Variants in KAZN observed in about 807,000 individuals in gnomAD.
KAZN encodes kazrin, periplakin interacting protein.
In KAZN, 40 loss-of-function variants were observed where a neutral mutation model predicts 87.4. The ratio of observed to expected loss-of-function variants is 0.46; its 90% CI spans 0.36 to 0.60. The LOEUF is 0.60. Ranked by LOEUF, KAZN falls within the 20% of genes least tolerant of loss-of-function variation. The pLI, the probability that KAZN is intolerant of heterozygous loss-of-function variation, is 0.00. For missense variants in KAZN, 898 were observed against 1,073.9 expected, an observed-to-expected ratio of 0.84 and a Z score of 2.29; for synonymous variants, 466 against 458.3, an observed-to-expected ratio of 1.02 and a Z score of -0.22.
chr1:14,153,907 G>A (rs996933363), intron 1 of KAZN, among the ~76,000 whole-genome samples: 1 of 152,078 alleles, frequency 6.6e-6, no homozygotes, highest in Non-Finnish European at 1.5e-5. Flanking sequence ...GTTACTGTAG[G>A]TCTGTAGTAT....
intron 2 of KAZN, among the ~76,000 whole-genome samples, chr1:15,008,117 G>A (rs1018733464): frequency 6.6e-6 from 1 of 152,206 alleles, no homozygotes; most frequent in African/African-American, 2.4e-5. Flanking sequence ...CGTGGCCTGC[G>A]GAAGTGGGTA....
intron 2 of KAZN, among the ~76,000 whole-genome samples, chr1:14,589,310 C>T (rs1321925679): frequency 1.4e-5 from 2 of 143,694 alleles, no homozygotes; most frequent in Admixed American, 1.4e-4. Flanking sequence ...TTTACACCTC[C>T]TCAGCATAAA....
chr1:14,146,425 A>G (rs1645350200), intron 1 of KAZN, among the ~76,000 whole-genome samples: 1 of 150,834 alleles, frequency 6.6e-6, no homozygotes, highest in East Asian at 2.0e-4. Flanking sequence ...AATCCCAGCT[A>G]CTCGGGAGGC....
intron 2 of KAZN, among the ~76,000 whole-genome samples, chr1:14,228,242 C>T (rs1288437431): frequency 1.3e-5 from 2 of 152,148 alleles, no homozygotes; most frequent in Non-Finnish European, 2.9e-5. Flanking sequence ...TACCACTTTG[C>T]CAGGGGCTCT....
intron 1 of KAZN, among the ~76,000 whole-genome samples, chr1:14,067,751 A>G (rs966999641): frequency 4.6e-5 from 7 of 152,158 alleles, no homozygotes; most frequent in African/African-American, 1.2e-4. Context: ...GAATTAGTTA[A>G]AAACCTTGAA....
chr1:14,981,900 C>T (rs895509422), intron 2 of KAZN, among the ~76,000 whole-genome samples: 18 of 152,174 alleles, frequency 1.2e-4, no homozygotes, highest in Admixed American at 1.1e-3. Flanking sequence ...GACCATGCCC[C>T]AGGTATAGCG....
intron 1 of KAZN, among the ~76,000 whole-genome samples, chr1:14,026,823 T>C (rs1197055924): frequency 6.6e-6 from 1 of 152,128 alleles, no homozygotes; most frequent in African/African-American, 2.4e-5. Flanking sequence ...GATGAAGGAA[T>C]TCATGGTGAA....
At chr1:14,369,996 A>G (rs1401455698) in intron 2 of KAZN, among the ~76,000 whole-genome samples, 1 of 151,808 alleles carries the variant, frequency 6.6e-6, no homozygotes, top group African/African-American at 2.4e-5. Context: ...GGTGCATTCC[A>G]CCTCCCCACA....
intron 2 of KAZN, among the ~76,000 whole-genome samples, chr1:14,527,809 A>T (rs1339733204): frequency 3.9e-5 from 6 of 152,100 alleles, no homozygotes; most frequent in Non-Finnish European, 8.8e-5. Context: ...TACCACGAGG[A>T]TGACACCAAA....
At chr1:13,929,213 A>G (rs1570306800) in intron 1 of KAZN, among the ~76,000 whole-genome samples, 1 of 152,014 alleles carries the variant, frequency 6.6e-6, no homozygotes, top group East Asian at 1.9e-4. Context: ...AGCCTGGCCC[A>G]AGGGTCTTTG....
intron 1 of KAZN, among the ~76,000 whole-genome samples, chr1:14,140,448 C>T (rs941849398): frequency 1.3e-5 from 2 of 151,914 alleles, no homozygotes; most frequent in Non-Finnish European, 2.9e-5. Flanking sequence ...AACAGTTAAA[C>T]GTTAAGTCCC....
chr1:14,647,983 C>A (rs1256513224), intron 1 of KAZN, among the ~76,000 whole-genome samples: 1 of 152,134 alleles, frequency 6.6e-6, no homozygotes, highest in Non-Finnish European at 1.5e-5. Context: ...CCTCTGTTGC[C>A]CAACTATCCC....
intron 1 of KAZN, among the ~76,000 whole-genome samples, chr1:14,092,603 A>C (rs530561107): frequency 3.4e-4 from 51 of 152,024 alleles, no homozygotes; most frequent in Non-Finnish European, 4.9e-4. Flanking sequence ...ATATACACAC[A>C]TATATACATA....
At chr1:14,671,737 G>A (rs1261216537) in intron 1 of KAZN, among the ~76,000 whole-genome samples, 1 of 152,164 alleles carries the variant, frequency 6.6e-6, no homozygotes, top group Non-Finnish European at 1.5e-5. Context: ...GAAAACAAAT[G>A]TTTATATCTC....
rs561726400 is a variant in KAZN at position 14,108,755 on chromosome 1, G to T, written c.92-71680G>T. Among the ~76,000 whole-genome samples the T allele has an allele frequency of 2.0e-5, 3 of 152,046 alleles. No individual in the cohort carries two copies. The East Asian group carries it at 5.8e-4, about 29-fold the overall frequency. Reference sequence around the variant, plus strand: ...ATTTGTTCCTTTTCTGAAGCATAACGTTAACACTCCCCCAAGCATGCACGT... The same window carrying T: ...ATTTGTTCCTTTTCTGAAGCATAACTTTAACACTCCCCCAAGCATGCACGT... On this transcript the variant is annotated intron_variant, in intron 1 of 16. Coordinates refer to the KAZN transcript ENST00000636203.
intron 1 of KAZN, among the ~76,000 whole-genome samples, chr1:14,669,895 AC>A (rs71587759): frequency 0.2 from 29,757 of 152,090 alleles, 3,020 homozygotes; most frequent in South Asian, 0.29. Flanking sequence ...CAACTGACCA[AC>A]TTTTCCTGGG....
At chr1:13,949,268 C>T (rs10927966) in intron 1 of KAZN, among the ~76,000 whole-genome samples, 14,482 of 152,094 alleles carry the variant, frequency 0.095, 769 homozygotes, top group Middle Eastern at 0.14. Flanking sequence ...CACAAAGTGG[C>T]GTTTTGTTAC....
intron 1 of KAZN, among the ~76,000 whole-genome samples, chr1:14,675,009 A>T (rs577181347): frequency 6.6e-6 from 1 of 152,288 alleles, no homozygotes; most frequent in African/African-American, 2.4e-5. Context: ...GTTGGTCAGG[A>T]TAATTTTATC....
At chr1:14,590,376 T>C (rs1057451814) in intron 2 of KAZN, among the ~76,000 whole-genome samples, 5 of 151,836 alleles carry the variant, frequency 3.3e-5, no homozygotes, top group Non-Finnish European at 5.9e-5. Context: ...GGGGATTGGG[T>C]TGGAAGGGAC....
Sources: gnomAD v4.1 joint callset for allele counts (sites outside exome capture counted in the v4.1 genomes callset) on GRCh38, gnomAD v4.1.1 for gene constraint, MANE v1.5 for transcripts, NCBI Gene and HGNC (gene_info 2026-07-23, HGNC 2026-07-21) for gene names.